Variants in ACER3 observed in about 807,000 individuals in gnomAD.
ACER3 encodes alkaline ceramidase 3.
A neutral mutation model predicts 48.9 loss-of-function variants in ACER3; 16 were observed. That is an observed-to-expected ratio of 0.33 (90% CI 0.22 to 0.50). The LOEUF (loss-of-function observed/expected upper bound fraction) is 0.50, where lower values mean the gene tolerates loss of function less well. Ranked by LOEUF, ACER3 falls within the 20% of genes least tolerant of loss-of-function variation. The pLI, the probability that ACER3 is intolerant of heterozygous loss-of-function variation, is 0.98. For missense variants in ACER3, 227 were observed against 326.0 expected, an observed-to-expected ratio of 0.70 and a Z score of 2.34; for synonymous variants, 109 against 107.8, an observed-to-expected ratio of 1.01 and a Z score of -0.07.
At chr11:76,912,712 TTATA>T (rs1052903717) in intron 1 of ACER3, among the ~76,000 whole-genome samples, 2 of 151,858 alleles carry the variant, frequency 1.3e-5, no homozygotes, top group African/African-American at 4.8e-5. Flanking sequence ...TCTCTTGTGT[TTATA>T]TAATAAATAG....
intron 1 of ACER3, among the ~76,000 whole-genome samples, chr11:76,864,594 G>GTTTTTTTT (rs376935274): frequency 8.9e-4 from 68 of 76,024 alleles, no homozygotes; most frequent in Non-Finnish European, 1.7e-3. Flanking sequence ...TATGGAATGG[G>GTTTTTTTT]TATTTTTTTT....
chr11:76,897,683 A>G (rs1945968560), intron 1 of ACER3, among the ~76,000 whole-genome samples: 2 of 152,186 alleles, frequency 1.3e-5, no homozygotes, highest in Admixed American at 1.3e-4. Context: ...TTGCTGGCAA[A>G]AAAGGAAAAT....
chr11:76,976,740 G>A (rs541243628), intron 4 of ACER3, among the ~76,000 whole-genome samples: 30 of 152,242 alleles, frequency 2.0e-4, no homozygotes, highest in African/African-American at 4.6e-4. Context: ...TATAGTGATC[G>A]TGTCAACTTA....
intron 1 of ACER3, among the ~76,000 whole-genome samples, chr11:76,916,889 T>C (rs1024851390): frequency 2.6e-5 from 4 of 152,200 alleles, no homozygotes; most frequent in Non-Finnish European, 5.9e-5. Context: ...TTGATCCTTC[T>C]CTAAAGCAGC....
chr11:76,966,085 A>G lies in ACER3; in HGVS notation c.267+7054A>G, dbSNP rs1323734084. Among the ~76,000 whole-genome samples, 137 of 151,810 alleles carry G rather than the reference A, an allele frequency of 9.0e-4. 3 individuals carry two copies. The East Asian group carries it at 0.026, about 29-fold the overall frequency. On this transcript the variant is annotated intron_variant, in intron 3 of 10. Transcript: ENST00000532485. Reference sequence around the variant, plus strand: ...ATCCATCTCATGTGCAGAGACACACATAGGCTCAAAATAAAGGGATGGAGG... The same window carrying G: ...ATCCATCTCATGTGCAGAGACACACGTAGGCTCAAAATAAAGGGATGGAGG...
At chr11:76,934,358 G>A (rs987013444) in intron 2 of ACER3, among the ~76,000 whole-genome samples, 2 of 152,234 alleles carry the variant, frequency 1.3e-5, no homozygotes, top group Non-Finnish European at 2.9e-5. Context: ...GGAGGTTGTA[G>A]CCAGCCGAGA....
At chr11:76,897,636 C>T (rs778191659) in intron 1 of ACER3, among the ~76,000 whole-genome samples, 4 of 152,102 alleles carry the variant, frequency 2.6e-5, no homozygotes, top group Non-Finnish European at 5.9e-5. Flanking sequence ...GTGGTAGATG[C>T]AAGTTTTCCA....
At chr11:76,880,592 ATTC>A (rs985338762) in intron 1 of ACER3, among the ~76,000 whole-genome samples, 1 of 152,210 alleles carries the variant, frequency 6.6e-6, no homozygotes, top group African/African-American at 2.4e-5. Context: ...TCAGATTCAG[ATTC>A]TTCTTGGCTT....
chr11:76,911,113 C>T (rs982571164), intron 1 of ACER3, among the ~76,000 whole-genome samples: 11 of 152,248 alleles, frequency 7.2e-5, no homozygotes, highest in African/African-American at 2.6e-4. Context: ...CCATGTAAAT[C>T]GAAAGCAAGT....
chr11:76,912,831 G>A (rs1031535877), intron 1 of ACER3, among the ~76,000 whole-genome samples: 75 of 152,092 alleles, frequency 4.9e-4, no homozygotes, highest in Non-Finnish European at 2.5e-4. Flanking sequence ...CGGTGGAAGA[G>A]ATCCAAGTTA....
At chr11:76,923,368 G>T (rs1946735469) in intron 1 of ACER3, among the ~76,000 whole-genome samples, 2 of 152,076 alleles carry the variant, frequency 1.3e-5, no homozygotes, top group Admixed American at 1.3e-4. Context: ...AGCAACCACT[G>T]ATCTTCTTTC....
At position 76,958,156 on chromosome 11, in the gene ACER3, C is replaced by G. The variant is rs183875046; in HGVS notation, c.215-823C>G. Among the ~76,000 whole-genome samples, 536 of 150,044 alleles carry G rather than the reference C, an allele frequency of 3.6e-3. 5 individuals are homozygous for G. The highest frequency in any genetic ancestry group is 2.5e-3 in the Non-Finnish European group (166 of 67,646). ...GTCTGTAACAGATATCCAACCACAC[C>G]TAATTCAACATGATTTTTATTAGCA... On this transcript the variant is annotated intron_variant, in intron 2 of 10. Transcript: ENST00000532485.
At chr11:76,944,987 T>C (rs1319365229) in intron 2 of ACER3, among the ~76,000 whole-genome samples, 1 of 151,982 alleles carries the variant, frequency 6.6e-6, no homozygotes, top group African/African-American at 2.4e-5. Flanking sequence ...CTGCTTGGTC[T>C]AGTCTATTAT....
At chr11:76,974,734 G>A (rs1252079746) in intron 3 of ACER3, among the ~76,000 whole-genome samples, 1 of 151,476 alleles carries the variant, frequency 6.6e-6, no homozygotes, top group Non-Finnish European at 1.5e-5. Context: ...TAATTAGTGA[G>A]GGAGAGAAGG....
At chr11:76,983,036 T>C (rs916741346) in intron 4 of ACER3, among the ~76,000 whole-genome samples, 13 of 152,246 alleles carry the variant, frequency 8.5e-5, no homozygotes, top group African/African-American at 3.1e-4. Flanking sequence ...TTTTGTTCTT[T>C]TTCAGTATAG....
rs143021946 is a variant in ACER3, at chr11:77,026,604, A to C, written c.*6277A>C. 2 of 152,216 alleles carry C rather than the reference A, an allele frequency of 1.3e-5. No homozygotes were observed. Among genetic ancestry groups the C allele is most frequent in the African/African-American group, 4.8e-5 (2 of 41,454 alleles). 9.4% of individuals were successfully genotyped at this position (152,216 alleles called of 1,614,324 possible). A position where few individuals can be genotyped will look rare whatever the true frequency, so the allele number is the denominator to read the frequency against. On this transcript the variant is annotated 3_prime_UTR_variant, in exon 11 of 11. Transcript: ENST00000532485. ...ATACATTGTACTGAATCTTACTAGCAACTAACTATTTTCAGGTAATCTCAG... is the reference window on the plus strand; with the variant it reads ...ATACATTGTACTGAATCTTACTAGCCACTAACTATTTTCAGGTAATCTCAG...
chr11:76,988,293 G>A (rs1948727109), intron 5 of ACER3, among the ~76,000 whole-genome samples: 3 of 152,156 alleles, frequency 2.0e-5, no homozygotes, highest in Non-Finnish European at 2.9e-5. Flanking sequence ...CTATTTACTT[G>A]TTTCCACATT....
chr11:76,917,569 A>G (rs1004460168), intron 1 of ACER3, among the ~76,000 whole-genome samples: 14 of 151,862 alleles, frequency 9.2e-5, no homozygotes, highest in African/African-American at 2.9e-4. Flanking sequence ...CAAAATATAT[A>G]TAATTGGCCA....
At chr11:76,978,000 C>T (rs1188275902) in intron 4 of ACER3, among the ~76,000 whole-genome samples, 1 of 152,210 alleles carries the variant, frequency 6.6e-6, no homozygotes, top group African/African-American at 2.4e-5. Context: ...ATGCCAGCCC[C>T]CTGCCACCTC....
Sources: gnomAD v4.1 joint callset for allele counts (sites outside exome capture counted in the v4.1 genomes callset) on GRCh38, gnomAD v4.1.1 for gene constraint, MANE v1.5 for transcripts, NCBI Gene and HGNC (gene_info 2026-07-23, HGNC 2026-07-21) for gene names.